RNF150: variants seen among roughly 807,000 people sequenced by gnomAD.
RNF150 encodes the protein ring finger protein 150.
Under a neutral mutation model 39.3 loss-of-function variants are expected in RNF150, and 24 were observed. That is an observed-to-expected ratio of 0.61 (90% CI 0.44 to 0.86). RNF150 has a LOEUF of 0.86. RNF150 is among the 40% of genes least tolerant of loss of function. RNF150 has a pLI of 0.00. For synonymous variants in RNF150, 255 were observed against 227.3 expected (o/e 1.12, Z -1.10); for missense variants, 502 against 587.8 (o/e 0.85, Z 1.51).
At chr4:141,002,294 A>G (rs1279326112) in intron 1 of RNF150, among the ~76,000 whole-genome samples, 1 of 151,844 alleles carries the variant, frequency 6.6e-6, no homozygotes, top group South Asian at 2.1e-4. Flanking sequence ...TCTTTATTGT[A>G]CTTGATTAAG....
chr4:140,935,381 T>C (rs1026871837), intron 4 of RNF150, among the ~76,000 whole-genome samples: 3 of 151,988 alleles, frequency 2.0e-5, no homozygotes, highest in African/African-American at 7.2e-5. Context: ...TCTGTTCTAA[T>C]TATATCGTTT....
At chr4:140,877,272 G>T (rs1167099873) in intron 6 of RNF150, among the ~76,000 whole-genome samples, 1 of 152,076 alleles carries the variant, frequency 6.6e-6, no homozygotes, top group Non-Finnish European at 1.5e-5. Flanking sequence ...ATTTGTTTTT[G>T]CAGGGAAGGA....
At chr4:140,997,178 G>C (rs1204666522) in intron 1 of RNF150, 1 of 152,152 alleles carries the variant, frequency 6.6e-6, no homozygotes, top group Non-Finnish European at 1.5e-5. Context: ...AATGTATACA[G>C]GTGATTACTG....
intron 5 of RNF150, among the ~76,000 whole-genome samples, chr4:140,924,491 T>G (rs1354504660): frequency 6.6e-6 from 1 of 152,222 alleles, no homozygotes; most frequent in Non-Finnish European, 1.5e-5. Flanking sequence ...AAAAATACCC[T>G]GAACAATAGG....
At chr4:141,037,591 T>C (rs536473963) in intron 1 of RNF150, among the ~76,000 whole-genome samples, 25 of 152,326 alleles carry the variant, frequency 1.6e-4, no homozygotes, top group Admixed American at 1.5e-3. Flanking sequence ...TCATTTATTT[T>C]GTTTTTTCAT....
intron 4 of RNF150, among the ~76,000 whole-genome samples, chr4:140,945,600 A>ATATAC (rs1732271347): frequency 6.8e-6 from 1 of 146,402 alleles, no homozygotes; most frequent in Non-Finnish European, 1.5e-5. Flanking sequence ...ATATACATAT[A>ATATAC]TACATATATA....
intron 1 of RNF150, among the ~76,000 whole-genome samples, chr4:141,070,197 G>A (rs1272155862): frequency 6.6e-6 from 1 of 152,138 alleles, no homozygotes; most frequent in African/African-American, 2.4e-5. Context: ...GCTGAAACTG[G>A]ATCCCTTCCT....
intron 1 of RNF150, among the ~76,000 whole-genome samples, chr4:141,143,577 C>T (rs1344068410): frequency 6.6e-5 from 10 of 152,174 alleles, no homozygotes; most frequent in South Asian, 2.1e-4. Flanking sequence ...TCCCTGGTCC[C>T]GGAGTCTCCA....
intron 1 of RNF150, among the ~76,000 whole-genome samples, chr4:141,077,332 T>TA (rs1210448787): frequency 6.6e-6 from 1 of 152,124 alleles, no homozygotes; most frequent in Non-Finnish European, 1.5e-5. Flanking sequence ...GAACTGTTGA[T>TA]ACAACATGGA....
Position 140,967,661 on chromosome 4 carries a change from G to C in RNF150, c.697C>G (p.Gln233Glu). ...CTGGCATTTGCATATCGAAACCTCTGGATGTAATAAAAGACGAGCCATGCG... is the reference window on the plus strand; with the variant it reads ...CTGGCATTTGCATATCGAAACCTCTCGATGTAATAAAAGACGAGCCATGCG... Reference protein sequence around the residue: ...SLAWLVFYYIQRFRYANARDR... With the variant: ...SLAWLVFYYIERFRYANARDR... Residue 233 changes from glutamine to glutamate, a missense_variant, in exon 2 of 7, where the codon CAG (glutamine) becomes GAG (glutamate). Transcript: ENST00000515673. 6.2e-7 allele frequency: 1 copy of C among 1,613,126 alleles called. No homozygotes were observed. Among genetic ancestry groups the C allele is most frequent in the Non-Finnish European group, 8.5e-7 (1 of 1,179,356 alleles).
In RNF150 at chr4:141,005,961, T is replaced by C. The variant is rs940999306; in HGVS notation, c.485-38088A>G. On this transcript the variant is annotated intron_variant, in intron 1 of 6. Transcript: ENST00000515673. ...GCGGGCGCCTGTAGTCCCAGCTACT[T>C]GGGAGGCTGAGGCAGGAGAATGGCG... Among the ~76,000 whole-genome samples the C allele has an allele frequency of 9.1e-5, 13 of 142,894 alleles. 1 individual carries two copies. Among genetic ancestry groups the C allele is most frequent in the African/African-American group, 2.4e-4 (9 of 37,968 alleles). 93.7% of individuals were successfully genotyped at this position (142,894 alleles called of 152,430 possible).
chr4:140,952,937 T>TA (rs1732598190), intron 2 of RNF150, among the ~76,000 whole-genome samples: 1 of 152,204 alleles, frequency 6.6e-6, no homozygotes, highest in African/African-American at 2.4e-5. Context: ...TTCTAGATGA[T>TA]ACTGCCAACT....
intron 1 of RNF150, among the ~76,000 whole-genome samples, chr4:141,032,445 C>T (rs1310067413): frequency 6.6e-6 from 1 of 152,130 alleles, no homozygotes; most frequent in East Asian, 1.9e-4. Flanking sequence ...TCTCACCACA[C>T]TCGCATGTAC....
chr4:141,165,204 G>A (rs148243626), intron 1 of RNF150, among the ~76,000 whole-genome samples: 5,759 of 152,080 alleles, frequency 0.038, 160 homozygotes, highest in South Asian at 0.14. Context: ...ACAAAGAAAG[G>A]CATTACGTAA....
chr4:141,065,494 G>T (rs1371051540), intron 1 of RNF150, among the ~76,000 whole-genome samples: 57 of 151,966 alleles, frequency 3.8e-4, no homozygotes, highest in Admixed American at 3.7e-3. Flanking sequence ...TATACCAGGG[G>T]TAACTGCTTA....
chr4:141,064,159 A>C (rs1412959624), intron 1 of RNF150, among the ~76,000 whole-genome samples: 1 of 152,202 alleles, frequency 6.6e-6, no homozygotes, highest in Non-Finnish European at 1.5e-5. Flanking sequence ...TGCTTAACTA[A>C]TACAGTGCTT....
At chr4:141,084,691 GAAC>G (rs2110989657) in intron 1 of RNF150, among the ~76,000 whole-genome samples, 1 of 152,322 alleles carries the variant, frequency 6.6e-6, no homozygotes, top group East Asian at 1.9e-4. Context: ...TAAGCCTGGA[GAAC>G]AAAGAGGTGA....
Position 140,865,642 on chromosome 4 carries a change from G to A in RNF150, c.*2619C>T, listed in dbSNP as rs971077853. 3.6e-4 allele frequency: 54 copies of A among 152,050 alleles called. No individual in the cohort carries two copies. The highest frequency in any genetic ancestry group is 1.3e-3 in the African/African-American group (52 of 41,236). 9.4% of individuals were successfully genotyped at this position (152,050 alleles called of 1,614,324 possible). A position where few individuals can be genotyped will look rare whatever the true frequency, so the allele number is the denominator to read the frequency against. Reference sequence around the variant, plus strand: ...AGTAGTGAATGGCAAAGGCTCAGGGGGTTTGCAGCAGGACCTCCTTGGGGT... The same window carrying A: ...AGTAGTGAATGGCAAAGGCTCAGGGAGTTTGCAGCAGGACCTCCTTGGGGT... On this transcript the variant is annotated 3_prime_UTR_variant, in exon 7 of 7. Transcript: ENST00000515673.
intron 6 of RNF150, among the ~76,000 whole-genome samples, chr4:140,886,139 C>T (rs79195979): frequency 3.9e-5 from 5 of 128,106 alleles, no homozygotes; most frequent in African/African-American, 1.2e-4. Context: ...TGCAGTGAGC[C>T]GGGATAGCGC....
Sources: allele counts gnomAD v4.1 joint callset (sites outside exome capture counted in the v4.1 genomes callset), GRCh38; gene constraint gnomAD v4.1.1; transcripts MANE v1.5; gene names NCBI Gene and HGNC (gene_info 2026-07-23, HGNC 2026-07-21).